SNX29: variants seen among roughly 807,000 people sequenced by gnomAD.
SNX29 encodes sorting nexin 29, also known as sorting nexin-29.
A neutral mutation model predicts 102.1 loss-of-function variants in SNX29; 78 were observed. The observed-to-expected ratio is 0.76, with a 90% CI of 0.64 to 0.92. The LOEUF is 0.92. SNX29 is among the 40% of genes least tolerant of loss of function. SNX29 has a pLI of 0.00. For synonymous variants in SNX29, 580 were observed against 414.5 expected, an observed-to-expected ratio of 1.40 and a Z score of -4.85; for missense variants, 1,280 against 1,061.7, an observed-to-expected ratio of 1.21 and a Z score of -2.86.
intron 13 of SNX29, among the ~76,000 whole-genome samples, chr16:12,191,507 C>CAGGTGGT (rs1212277877): frequency 4.6e-5 from 7 of 152,154 alleles, no homozygotes; most frequent in Non-Finnish European, 8.8e-5. Context: ...CAGTGCTGGA[C>CAGGTGGT]AGGTGGTAGC....
intron 20 of SNX29, among the ~76,000 whole-genome samples, chr16:12,557,016 C>CCG (rs1555458247): frequency 8.4e-5 from 1 of 11,916 alleles, no homozygotes; most frequent in Non-Finnish European, 2.8e-4. Flanking sequence ...GGCTAATTTA[C>CCG]CCCCCCCCCG....
rs2051171817 is a variant in SNX29, at chr16:12,069,061, C to T, written c.1248C>T (p.Ala416=). ...SGVGSYSPAD[A]PLGSLENGTG... ...GTGATTGCTCTCTCTGCACAGATGC[C>T]CCCCTCGGAAGCCTGGAGAACGGGA... The change falls in exon 10 of 21, where the codon GCC becomes GCT. Residue 416 remains alanine, a synonymous_variant. Transcript: ENST00000566228. 1 of 1,613,790 alleles carries T rather than the reference C, an allele frequency of 6.2e-7. No individual in the cohort carries two copies. Among genetic ancestry groups the T allele is most frequent in the Admixed American group, 1.7e-5 (1 of 59,998 alleles).
chr16:12,153,592 G>A (rs1315009417), intron 13 of SNX29, among the ~76,000 whole-genome samples: 1 of 151,636 alleles, frequency 6.6e-6, no homozygotes, highest in East Asian at 1.9e-4. Context: ...TCCTGCCTCA[G>A]CCTCCCAAGT....
chr16:12,454,615 A>G (rs1393830803), intron 18 of SNX29, among the ~76,000 whole-genome samples: 6 of 152,218 alleles, frequency 3.9e-5, no homozygotes, highest in Non-Finnish European at 5.9e-5. Context: ...GAGGTGAGGA[A>G]GAACAGATCA....
chr16:12,536,122 C>G (rs1182607427), intron 20 of SNX29, among the ~76,000 whole-genome samples: 1 of 152,150 alleles, frequency 6.6e-6, no homozygotes, highest in Non-Finnish European at 1.5e-5. Context: ...GAACACAGCC[C>G]AGCTTTGGTG....
chr16:12,133,213 T>G (rs1047145595), intron 13 of SNX29, among the ~76,000 whole-genome samples: 3 of 151,762 alleles, frequency 2.0e-5, no homozygotes, highest in Non-Finnish European at 4.4e-5. Context: ...ACCATGGCTC[T>G]CCTGCTTACT....
chr16:12,062,463 G>A (rs922302291), intron 9 of SNX29, among the ~76,000 whole-genome samples: 1 of 151,948 alleles, frequency 6.6e-6, no homozygotes, highest in Admixed American at 6.6e-5. Context: ...CATTCCACAC[G>A]GTTGAGCACG....
In SNX29 at chr16:12,043,000, C is replaced by T. The variant is rs1241546528; in HGVS notation, c.351C>T (p.Ala117=). 1.2e-6 allele frequency: 2 copies of T among 1,613,720 alleles called. No homozygotes were observed. ...CCTCAGACGTGGGCCGGGGTCGCGC[C>T]TGGCTGCGCTGTGCCCTCAACGAAC... The part of the protein sequence containing the change: ...HIASDVGRGR[A]WLRCALNEHS... The change falls in exon 5 of 21, where the codon GCC becomes GCT. Residue 117 remains alanine, a synonymous_variant. Transcript: ENST00000566228.
chr16:12,325,537 T>TTGCTC (rs2081088363), intron 15 of SNX29, among the ~76,000 whole-genome samples: 1 of 152,290 alleles, frequency 6.6e-6, no homozygotes, highest in Non-Finnish European at 1.5e-5. Flanking sequence ...AAGTTTAGAC[T>TTGCTC]TGCTCTTCCA....
intron 10 of SNX29, among the ~76,000 whole-genome samples, chr16:12,074,596 C>G (rs912068799): frequency 3.3e-5 from 5 of 152,160 alleles, no homozygotes; most frequent in Admixed American, 6.5e-5. Flanking sequence ...CTGCCCTTAA[C>G]ATTTTTTCCT....
At chr16:12,509,310 C>G (rs1177167158) in intron 19 of SNX29, among the ~76,000 whole-genome samples, 1 of 152,224 alleles carries the variant, frequency 6.6e-6, no homozygotes, top group African/African-American at 2.4e-5. Context: ...CATCTGTCAG[C>G]CCAGCGAGCC....
chr16:12,560,135 T>TCCCCCCCCC (rs57116555), intron 20 of SNX29, among the ~76,000 whole-genome samples: 14 of 135,334 alleles, frequency 1.0e-4, no homozygotes, highest in African/African-American at 2.0e-4. Context: ...TGTGTTCCCC[T>TCCCCCCCCC]CCCCCCCCCA....
intron 18 of SNX29, among the ~76,000 whole-genome samples, chr16:12,474,093 T>C (rs1419835040): frequency 1.3e-5 from 2 of 152,148 alleles, no homozygotes; most frequent in Admixed American, 6.5e-5. Context: ...AACACTGTGA[T>C]AGAAAGTGTT....
intron 20 of SNX29, chr16:12,546,326 G>A (rs1231703625): frequency 6.6e-6 from 1 of 152,242 alleles, no homozygotes; most frequent in Non-Finnish European, 1.5e-5. Flanking sequence ...TTTACAGAAA[G>A]AAGGTTTAAT....
chr16:12,568,656 C>G lies in SNX29; in HGVS notation c.*27C>G, dbSNP rs768651100. 1.0e-5 allele frequency: 16 copies of G among 1,597,710 alleles called. No individual in the cohort carries two copies. Among genetic ancestry groups the G allele is most frequent in the African/African-American group, 1.3e-5 (1 of 74,850 alleles). ...CTCGACAAAACCGCAGCCACGGGCC[C>G]TGTGCGTGGCACCAGCTGCGTCCAC... On this transcript the variant is annotated 3_prime_UTR_variant, in exon 21 of 21. Transcript: ENST00000566228.
intron 11 of SNX29, among the ~76,000 whole-genome samples, chr16:12,121,940 C>T (rs907211906): frequency 1.3e-5 from 2 of 152,110 alleles, no homozygotes; most frequent in South Asian, 2.1e-4. Flanking sequence ...CTCAACCTCC[C>T]GAGTACCCAG....
rs111474722 is a variant in SNX29, at chr16:12,129,648, C to T, written c.1485C>T (p.Leu495=). Residue 495 remains leucine, a synonymous_variant, in exon 13 of 21, where the codon CTC becomes CTT. Coordinates refer to ENST00000566228, the MANE Select transcript of SNX29 (RefSeq NM_032167.5). ...TTCCCAGATCACTGCGAAACCTGCT[C>T]GACGGTGAGATGGAGCACTCAGCCG... is the stretch of plus-strand genomic sequence containing the variant. The part of the protein sequence containing the change: ...EEENRSLRNL[L]DGEMEHSAAL... 725 of 1,610,752 alleles carry T rather than the reference C, an allele frequency of 4.5e-4. 4 individuals are homozygous for T. The African/African-American group carries it at 7.5e-3, about 17-fold the overall frequency.
At chr16:12,421,269 C>T (rs2084860597) in intron 18 of SNX29, among the ~76,000 whole-genome samples, 2 of 152,194 alleles carry the variant, frequency 1.3e-5, no homozygotes, top group South Asian at 4.1e-4. Context: ...GGAGGCTACT[C>T]CTAAGAGCCA....
chr16:12,518,555 C>T (rs1597706270), intron 19 of SNX29, among the ~76,000 whole-genome samples: 1 of 152,210 alleles, frequency 6.6e-6, no homozygotes, highest in East Asian at 1.9e-4. Flanking sequence ...GACACGCTCT[C>T]TCCAGCCCTC....
Sources: allele counts gnomAD v4.1 joint callset (sites outside exome capture counted in the v4.1 genomes callset), GRCh38; gene constraint gnomAD v4.1.1; transcripts MANE v1.5; gene names NCBI Gene and HGNC (gene_info 2026-07-23, HGNC 2026-07-21).